The following MYBPC1 variants were observed in gnomAD, a reference collection of about 807,000 sequenced individuals.
MYBPC1 encodes the protein myosin binding protein C1.
In MYBPC1, 52 loss-of-function variants were observed where a neutral mutation model predicts 147.1. The ratio of observed to expected loss-of-function variants is 0.35; its 90% confidence interval spans 0.28 to 0.45. MYBPC1 has a LOEUF of 0.45. MYBPC1 is among the 20% of genes least tolerant of loss of function. The pLI, the probability that MYBPC1 is intolerant of heterozygous loss-of-function variation, is 1.00. For synonymous variants in MYBPC1, 477 were observed against 475.9 expected, an observed-to-expected ratio of 1.00 and a Z score of -0.03; for missense variants, 1,228 against 1,440.3, an observed-to-expected ratio of 0.85 and a Z score of 2.39.
intron 16 of MYBPC1, among the ~76,000 whole-genome samples, chr12:101,652,402 GA>G (rs964059783): frequency 9.2e-5 from 14 of 151,760 alleles, no homozygotes; most frequent in South Asian, 6.3e-4. Flanking sequence ...GCTATGAGAT[GA>G]AAAAAAAGAA....
At chr12:101,671,331 A>ACTCT (rs536485786) in intron 24 of MYBPC1, among the ~76,000 whole-genome samples, 4 of 117,142 alleles carry the variant, frequency 3.4e-5, no homozygotes, top group African/African-American at 5.6e-5. Context: ...ACACACACAC[A>ACTCT]CACACACTCA....
downstream of MYBPC1, among the ~76,000 whole-genome samples, chr12:101,688,692 G>A (rs1218029182): frequency 1.4e-5 from 2 of 140,594 alleles, no homozygotes; most frequent in East Asian, 4.3e-4. Context: ...TGGGTGTGGT[G>A]GCTGACGTCT....
chr12:101,663,203 T>C (rs1216691717), intron 21 of MYBPC1, among the ~76,000 whole-genome samples: 1 of 152,190 alleles, frequency 6.6e-6, no homozygotes. Context: ...CCACACCGGC[T>C]TCTCAATTTG....
rs756723686 is a variant in MYBPC1, at chr12:101,680,507, T to G, written c.3411T>G (p.Ile1137Met). 1 of 1,614,102 alleles carries G rather than the reference T, an allele frequency of 6.2e-7. No individual in the cohort carries two copies. The highest frequency in any genetic ancestry group is 1.6e-4 in the Middle Eastern group (1 of 6,062). ...TCAATGACCTTGGGACAGTGGAGAT[T>G]GAATGCAAACTGGAGGTGAAAGGTA... is the stretch of plus-strand genomic sequence containing the variant. The part of the protein sequence containing the change: ...KAVNDLGTVE[I>M]ECKLEVKVIY... The change falls in exon 29 of 32, where the codon ATT becomes ATG. Residue 1137 changes from isoleucine (I) to methionine (M), a missense_variant. This residue lies in a region of MYBPC1 where 1,077 missense variants were observed against 1,314.2 expected (regional missense o/e 0.82). Transcript: ENST00000361466.
chr12:101,648,947 T>A (rs1271290277), intron 14 of MYBPC1, among the ~76,000 whole-genome samples: 2 of 152,238 alleles, frequency 1.3e-5, no homozygotes, highest in African/African-American at 4.8e-5. Flanking sequence ...ATGCATTAAA[T>A]GATATTCTTA....
intron 23 of MYBPC1, 103 bp downstream of exon 23, chr12:101,668,002 C>A: frequency 7.7e-7 from 1 of 1,301,442 alleles, no homozygotes; most frequent in Non-Finnish European, 1.0e-6. Context: ...TGTTGTTACT[C>A]CTTTGATATT....
the MYBPC1 span, among the ~76,000 whole-genome samples, chr12:101,691,966 A>G: frequency 6.6e-6 from 1 of 152,204 alleles, no homozygotes; most frequent in Non-Finnish European, 1.5e-5. Flanking sequence ...GAGGGATCAA[A>G]CTGGAAGAAT....
downstream of MYBPC1, among the ~76,000 whole-genome samples, chr12:101,690,253 A>C (rs1336801391): frequency 6.6e-6 from 1 of 151,978 alleles, no homozygotes; most frequent in Admixed American, 6.5e-5. Flanking sequence ...CAGGATCCCC[A>C]GTGATTTGTG....
At chr12:101,678,414 A>G (rs1283601857) in intron 28 of MYBPC1, among the ~76,000 whole-genome samples, 176 bp downstream of exon 28, 1 of 152,274 alleles carries the variant, frequency 6.6e-6, no homozygotes, top group Non-Finnish European at 1.5e-5. Context: ...GTAGTAAAAA[A>G]TGCTTACATT....
chr12:101,657,067 T>C (rs1458817527), intron 18 of MYBPC1, among the ~76,000 whole-genome samples: 1 of 151,932 alleles, frequency 6.6e-6, no homozygotes, highest in African/African-American at 2.4e-5. Flanking sequence ...AATCAATACA[T>C]AACAGAAAAA....
chr12:101,608,720 C>T (rs12311521), intron 1 of MYBPC1, among the ~76,000 whole-genome samples: 1,526 of 152,218 alleles, frequency 0.01, 22 homozygotes, highest in African/African-American at 0.035. Context: ...ATTTTAAAAG[C>T]GGGGGATTCC....
In MYBPC1 at chr12:101,648,087, C is replaced by G. The variant is rs1158274517; in HGVS notation, c.1133C>G (p.Ala378Gly). 2 of 1,612,894 alleles carry G rather than the reference C, an allele frequency of 1.2e-6. No individual in the cohort carries two copies. Among genetic ancestry groups the G allele is most frequent in the African/African-American group, 1.3e-5 (1 of 74,828 alleles). Residue 378 changes from alanine to glycine, a missense_variant, in exon 14 of 32, where the codon GCT becomes GGT. Transcript: ENST00000361466. The part of the protein sequence containing the change: ...MVTKQLEDTT[A>G]YCGERVELEC... Reference sequence around the variant, plus strand: ...ACCAAACAGCTGGAAGATACAACTGCTTATTGTGGGGAGAGAGTGGAATTA... The same window carrying G: ...ACCAAACAGCTGGAAGATACAACTGGTTATTGTGGGGAGAGAGTGGAATTA...
intron 1 of MYBPC1, among the ~76,000 whole-genome samples, chr12:101,601,957 T>G (rs945795962): frequency 3.3e-5 from 5 of 152,244 alleles, no homozygotes; most frequent in African/African-American, 9.6e-5. Context: ...TCTTTAGGGT[T>G]GTTATGCACA....
At chr12:101,645,472 G>A (rs1325871546) in intron 12 of MYBPC1, among the ~76,000 whole-genome samples, 2 of 152,012 alleles carry the variant, frequency 1.3e-5, no homozygotes, top group Admixed American at 1.3e-4. Flanking sequence ...ATTTTTTTAG[G>A]TTAACAGGAG....
rs1247155639 is a variant in MYBPC1 at position 101,642,463 on chromosome 12, A to T, written c.710A>T (p.Glu237Val). The change falls in exon 11 of 32, where the codon GAG (glutamate) becomes GTG (valine). Residue 237 changes from glutamate to valine, a missense_variant. Physicochemically the swap from Glu to Val is moderately radical, Grantham distance 121. Transcript: ENST00000361466. Reference sequence around the variant, plus strand: ...GAAGAACCCCAGGTGGACGTATGGGAGTTGCTGAAGAACGCGAAACCCAGT... The same window carrying T: ...GAAGAACCCCAGGTGGACGTATGGGTGTTGCTGAAGAACGCGAAACCCAGT... ...QEEEPQVDVW[E>V]LLKNAKPSEY... is the part of the protein sequence containing the mutation. The T allele has an allele frequency of 6.2e-7, 1 of 1,614,096 alleles. No individual in the cohort carries two copies. The highest frequency in any genetic ancestry group is 8.5e-7 in the Non-Finnish European group (1 of 1,180,020).
Position 101,662,516 on chromosome 12 carries a change from A to G in MYBPC1, c.2191A>G (p.Ser731Gly), listed in dbSNP as rs760407304. 6.2e-7 allele frequency: 1 copy of G among 1,614,228 alleles called. No individual in the cohort carries two copies. The highest frequency in any genetic ancestry group is 1.3e-5 in the African/African-American group (1 of 75,056). The stretch of plus-strand genomic sequence containing the variant: ...CAATGCCATTGGCATCTCCAAGCCC[A>G]GTATGCCCTCCAGGCCTTTTGTTCC... ...AVNAIGISKPSMPSRPFVPLA... is the reference protein window; with the variant it reads ...AVNAIGISKPGMPSRPFVPLA... The change falls in exon 21 of 32, where the codon AGT (serine) becomes GGT (glycine). Residue 731 changes from serine (S) to glycine (G), a missense_variant. Coordinates refer to ENST00000361466, the MANE Select transcript of MYBPC1 (RefSeq NM_002465.4).
chr12:101,605,193 G>C (rs1000510817), intron 1 of MYBPC1, among the ~76,000 whole-genome samples: 27 of 152,154 alleles, frequency 1.8e-4, no homozygotes, highest in Admixed American at 1.8e-3. Context: ...GCATAGGGTA[G>C]GTGTTACTAG....
chr12:101,689,713 G>C (rs1951390704), downstream of MYBPC1, among the ~76,000 whole-genome samples: 1 of 152,148 alleles, frequency 6.6e-6, no homozygotes, highest in African/African-American at 2.4e-5. Context: ...ATGATTTGCT[G>C]CCCACAAAAC....
chr12:101,622,733 T>TA (rs199937512), intron 3 of MYBPC1, among the ~76,000 whole-genome samples: 2 of 150,996 alleles, frequency 1.3e-5, no homozygotes, highest in African/African-American at 2.4e-5. Context: ...AGACTCTGTC[T>TA]AAAAAAAAAT....
Sources: gnomAD v4.1 joint callset for allele counts (sites outside exome capture counted in the v4.1 genomes callset) on GRCh38, gnomAD v4.1.1 for gene constraint, gnomAD v4.1.1 regional missense constraint, MANE v1.5 for transcripts, NCBI Gene and HGNC (gene_info 2026-07-23, HGNC 2026-07-21) for gene names.